The following DYNLRB2 variants were observed in gnomAD, a reference collection of about 807,000 sequenced individuals.
DYNLRB2 encodes the protein bithoraxoid-like protein.
Under a neutral mutation model 12.6 loss-of-function variants are expected in DYNLRB2, and 14 were observed. That is an observed-to-expected ratio of 1.11 (90% confidence interval 0.73 to 1.73). The LOEUF (loss-of-function observed/expected upper bound fraction) is 1.73. Among genes scored for constraint, DYNLRB2 ranks in the 40% most tolerant of loss-of-function variants. The pLI, the probability that DYNLRB2 is intolerant of heterozygous loss-of-function variation, is 0.00. For synonymous variants in DYNLRB2, 53 were observed against 37.0 expected (o/e 1.43, Z -1.57); for missense variants, 142 against 117.7 (o/e 1.21, Z -0.95).
intron 2 of DYNLRB2, among the ~76,000 whole-genome samples, chr16:80,545,941 T>G (rs1904438475): frequency 6.6e-6 from 1 of 151,904 alleles, no homozygotes; most frequent in African/African-American, 2.4e-5. Flanking sequence ...AGTGCTGGGA[T>G]TACAGGCGTG....
chr16:80,542,312 G>T (rs1372831584), intron 1 of DYNLRB2, among the ~76,000 whole-genome samples: 1 of 152,096 alleles, frequency 6.6e-6, no homozygotes, highest in African/African-American at 2.4e-5. Context: ...AGTATACATG[G>T]CATTCATAAT....
intron 1 of DYNLRB2, among the ~76,000 whole-genome samples, chr16:80,541,882 G>C (rs1211553850): frequency 6.6e-6 from 1 of 152,184 alleles, no homozygotes; most frequent in African/African-American, 2.4e-5. Context: ...CAACGCTTAC[G>C]GTTTAGTGTA....
At chr16:80,546,668 A>G (rs950010535) in intron 2 of DYNLRB2, among the ~76,000 whole-genome samples, 4 of 152,200 alleles carry the variant, frequency 2.6e-5, no homozygotes, top group Non-Finnish European at 5.9e-5. Flanking sequence ...ACTGGCAAAT[A>G]TGTATATTTG....
intron 2 of DYNLRB2, 59 bp downstream of exon 2, chr16:80,543,410 C>T (rs905444224): frequency 1.5e-5 from 23 of 1,539,528 alleles, no homozygotes; most frequent in African/African-American, 8.2e-5. Context: ...ACCTGTTTGC[C>T]GTGTTAGTCC....
At chr16:80,549,318 G>C in intron 2 of DYNLRB2, 166 bp from the exon 3 acceptor site, 1 of 629,038 alleles carries the variant, frequency 1.6e-6, no homozygotes. Context: ...AATCTACGTA[G>C]CGACAAAAGG....
At chr16:80,545,663 C>CTTTTTTTT (rs1597091152) in intron 2 of DYNLRB2, among the ~76,000 whole-genome samples, 1 of 30,170 alleles carries the variant, frequency 3.3e-5, no homozygotes, top group Non-Finnish European at 1.1e-4. Context: ...TACCCATTAG[C>CTTTTTTTT]TTCTTTTTTT....
At chr16:80,550,134 G>A (rs1480222627) in intron 3 of DYNLRB2, among the ~76,000 whole-genome samples, 1 of 152,164 alleles carries the variant, frequency 6.6e-6, no homozygotes, top group Non-Finnish European at 1.5e-5. Flanking sequence ...CTGTACAATG[G>A]GACCTATGCC....
At chr16:80,549,345 C>T (rs762899678) in intron 2 of DYNLRB2, 139 bp from the exon 3 acceptor site, 36 of 851,970 alleles carry the variant, frequency 4.2e-5, no homozygotes, top group Non-Finnish European at 4.9e-5. Context: ...GGGAAATAAA[C>T]TAAAATTGTT....
intron 1 of DYNLRB2, among the ~76,000 whole-genome samples, chr16:80,542,571 T>A (rs1021230679): frequency 1.3e-5 from 2 of 152,238 alleles, no homozygotes; most frequent in Non-Finnish European, 2.9e-5. Context: ...TTGGAAAAGA[T>A]CGTTCTTGTC....
intron 1 of DYNLRB2, 71 bp downstream of exon 1, chr16:80,541,150 C>G: frequency 6.5e-7 from 1 of 1,547,892 alleles, no homozygotes; most frequent in Non-Finnish European, 8.7e-7. Context: ...TCGCACCCAG[C>G]TTCTGGGGCC....
At chr16:80,548,860 A>G (rs1904651223) in intron 2 of DYNLRB2, 1 of 441,696 alleles carries the variant, frequency 2.3e-6, no homozygotes, top group Non-Finnish European at 4.6e-6. Context: ...AAAACTTAAG[A>G]TTTGTGAAAT....
At chr16:80,549,400 A>C (rs1381203780) in intron 2 of DYNLRB2, 84 bp from the exon 3 acceptor site, 1 of 1,313,170 alleles carries the variant, frequency 7.6e-7, no homozygotes, top group East Asian at 2.6e-5. Flanking sequence ...CTTTACAACT[A>C]TCAGTGTTTT....
At chr16:80,549,399 T>G (rs1463659924) in intron 2 of DYNLRB2, 85 bp from the exon 3 acceptor site, 1 of 1,309,946 alleles carries the variant, frequency 7.6e-7, no homozygotes, top group Non-Finnish European at 1.0e-6. Flanking sequence ...TCTTTACAAC[T>G]ATCAGTGTTT....
At chr16:80,544,894 T>C (rs1018615813) in intron 2 of DYNLRB2, 2 of 152,212 alleles carry the variant, frequency 1.3e-5, no homozygotes, top group South Asian at 4.1e-4. Flanking sequence ...TGTCTGTCTG[T>C]CTGTTTCATT....
At chr16:80,546,916 G>T (rs28657821) in intron 2 of DYNLRB2, among the ~76,000 whole-genome samples, 33,998 of 152,150 alleles carry the variant, frequency 0.22, 3,968 homozygotes, top group Middle Eastern at 0.3. Context: ...GGATCACAGG[G>T]AGTCATATTG....
intron 1 of DYNLRB2, among the ~76,000 whole-genome samples, chr16:80,541,892 A>G (rs981124269): frequency 2.0e-5 from 3 of 152,228 alleles, no homozygotes; most frequent in Non-Finnish European, 4.4e-5. Context: ...GGTTTAGTGT[A>G]GTGTTTCTCA....
In DYNLRB2 at chr16:80,549,549, C is replaced by T; in HGVS notation, c.145C>T (p.Leu49=). The T allele has an allele frequency of 1.2e-6, 2 of 1,613,388 alleles. No homozygotes were observed. The highest frequency in any genetic ancestry group is 1.7e-6 in the Non-Finnish European group (2 of 1,179,526). The change falls in exon 3 of 4, where the codon CTG becomes TTG. Residue 49 remains leucine (L), a synonymous_variant. Coordinates refer to ENST00000305904, the MANE Select transcript of DYNLRB2 (RefSeq NM_130897.3). ...TCAATATGCAGGCCTTCTTCATCAC[C>T]TGACAATGAAAGCCAAAAGCACAGT... The part of the protein sequence containing the change: ...TVQYAGLLHH[L]TMKAKSTVRD...
chr16:80,542,052 A>C (rs146224566), intron 1 of DYNLRB2, among the ~76,000 whole-genome samples: 1 of 152,320 alleles, frequency 6.6e-6, no homozygotes, highest in African/African-American at 2.4e-5. Flanking sequence ...TAGGTCCTTA[A>C]TACCACTGTC....
chr16:80,544,074 C>T (rs1302129288), intron 2 of DYNLRB2, among the ~76,000 whole-genome samples: 1 of 152,184 alleles, frequency 6.6e-6, no homozygotes, highest in Non-Finnish European at 1.5e-5. Flanking sequence ...AGAGTAGCTA[C>T]TTTACATAAT....
Sources: allele counts gnomAD v4.1 joint callset (sites outside exome capture counted in the v4.1 genomes callset), GRCh38; gene constraint gnomAD v4.1.1; transcripts MANE v1.5; gene names NCBI Gene and HGNC (gene_info 2026-07-23, HGNC 2026-07-21).